Variants in NTNG1 observed in about 807,000 individuals in gnomAD.
NTNG1 encodes netrin G1.
In NTNG1, 16 loss-of-function variants were observed where a neutral mutation model predicts 54.0. The observed-to-expected ratio is 0.30, with a 90% CI of 0.20 to 0.45. NTNG1 has a LOEUF of 0.45. Among genes scored for constraint, NTNG1 ranks in the 20% least tolerant of loss-of-function variants. The probability of loss-of-function intolerance (pLI) is 1.00; values close to 1 mark genes in which losing one functional copy is unlikely to be tolerated. For synonymous variants in NTNG1, 255 were observed against 263.1 expected, an observed-to-expected ratio of 0.97 and a Z score of 0.30; for missense variants, 530 against 678.7, an observed-to-expected ratio of 0.78 and a Z score of 2.43.
In NTNG1 at chr1:107,436,836, G is replaced by T. The variant is rs189803464; in HGVS notation, c.1390+37G>T. On this transcript the variant is annotated intron_variant, in intron 7 of 7. Transcript: ENST00000370068. ...TGGGAGCTGCCCTCTGCCTGCTGCAGCATGGCTGATTTCTGCTTGGCTAGG... is the reference window on the plus strand; with the variant it reads ...TGGGAGCTGCCCTCTGCCTGCTGCATCATGGCTGATTTCTGCTTGGCTAGG... 8.9e-5 allele frequency: 143 copies of T among 1,604,980 alleles called. No homozygotes were observed. The Admixed American group carries it at 2.4e-3, about 27-fold the overall frequency.
At chr1:107,266,017 C>A (rs1388553869) in intron 2 of NTNG1, among the ~76,000 whole-genome samples, 3 of 152,162 alleles carry the variant, frequency 2.0e-5, no homozygotes, top group Non-Finnish European at 4.4e-5. Context: ...GCTTTCTTTG[C>A]ATTTTTTGGG....
chr1:107,462,410 T>A (rs1677333803), intron 7 of NTNG1, among the ~76,000 whole-genome samples: 1 of 152,228 alleles, frequency 6.6e-6, no homozygotes, highest in Admixed American at 6.5e-5. Flanking sequence ...TCTTCACCTG[T>A]CAAACTCTTA....
intron 3 of NTNG1, among the ~76,000 whole-genome samples, chr1:107,349,868 C>T (rs1170183398): frequency 1.3e-5 from 2 of 152,050 alleles, no homozygotes; most frequent in Non-Finnish European, 2.9e-5. Context: ...AACTGCTGCT[C>T]TTATAGATAT....
intron 2 of NTNG1, among the ~76,000 whole-genome samples, chr1:107,253,437 T>C (rs764645402): frequency 2.6e-5 from 4 of 152,260 alleles, no homozygotes; most frequent in Non-Finnish European, 5.9e-5. Flanking sequence ...CCTTTTATTC[T>C]AAATTCTCAG....
intron 3 of NTNG1, among the ~76,000 whole-genome samples, chr1:107,337,025 G>T (rs1202439388): frequency 6.6e-6 from 1 of 151,894 alleles, no homozygotes; most frequent in Non-Finnish European, 1.5e-5. Flanking sequence ...CTAATGAAAT[G>T]GTACAGACAC....
intron 4 of NTNG1, among the ~76,000 whole-genome samples, chr1:107,401,047 C>T (rs1419958862): frequency 3.3e-5 from 5 of 152,178 alleles, no homozygotes; most frequent in African/African-American, 1.2e-4. Flanking sequence ...CTTGTATCTC[C>T]TGGAATATGT....
chr1:107,355,483 T>C (rs925609030), intron 3 of NTNG1, among the ~76,000 whole-genome samples: 2 of 152,156 alleles, frequency 1.3e-5, no homozygotes, highest in Non-Finnish European at 2.9e-5. Context: ...CTATTTAAAG[T>C]TATAATTCAC....
At chr1:107,391,888 G>A (rs554921267) in intron 3 of NTNG1, among the ~76,000 whole-genome samples, 3 of 152,028 alleles carry the variant, frequency 2.0e-5, no homozygotes, top group Admixed American at 2.0e-4. Flanking sequence ...AGATTTGGAG[G>A]GGACAAAATA....
intron 7 of NTNG1, among the ~76,000 whole-genome samples, chr1:107,475,583 TC>T (rs1678264962): frequency 6.6e-6 from 1 of 152,202 alleles, no homozygotes; most frequent in South Asian, 2.1e-4. Flanking sequence ...AAGTACTTAG[TC>T]ACCTCTAATT....
intron 3 of NTNG1, among the ~76,000 whole-genome samples, chr1:107,385,245 A>G (rs1490036436): frequency 1.3e-5 from 2 of 152,048 alleles, no homozygotes; most frequent in African/African-American, 2.4e-5. Context: ...ACTTTGACAC[A>G]CGTTCCCTAA....
At position 107,480,751 on chromosome 1, in the gene NTNG1, G is replaced by C. The variant is rs1678647785; in HGVS notation, c.1531G>C (p.Asp511His). The change falls in exon 8 of 8, where the codon GAC becomes CAC. Residue 511 changes from aspartate (D) to histidine (H), a missense_variant. By Grantham distance (81) the Asp-to-His change is moderately conservative (BLOSUM62 -1). Coordinates refer to ENST00000370068, the MANE Select transcript of NTNG1 (RefSeq NM_001113226.3). The stretch of plus-strand genomic sequence containing the variant: ...CGAGGAGGCTGGCAGCTGCGGCTCC[G>C]ACTCTGGCCAGGGCGCGCCCCCGCA... ...RCEEAGSCGS[D>H]SGQGAPPHGS... 2 of 1,607,978 alleles carry C rather than the reference G, an allele frequency of 1.2e-6. No individual in the cohort carries two copies.
chr1:107,241,492 G>A (rs973289289), intron 2 of NTNG1, among the ~76,000 whole-genome samples: 2 of 152,120 alleles, frequency 1.3e-5, no homozygotes, highest in African/African-American at 2.4e-5. Context: ...TAGGATATTA[G>A]TAAAGAGGCC....
At chr1:107,349,282 CTGT>C (rs375599929) in intron 3 of NTNG1, among the ~76,000 whole-genome samples, 8 of 152,074 alleles carry the variant, frequency 5.3e-5, no homozygotes, top group South Asian at 2.1e-4. Flanking sequence ...TTATATTACC[CTGT>C]TGTTGTTGTT....
rs372194500 is a variant in NTNG1, at chr1:107,326,916, G to C, written c.887+1994G>C. ...TTTCTGCATTCTCCACTGATGTCAA[G>C]CATGCCATCTCCTAAAGGTGGTGTG... On this transcript the variant is annotated intron_variant, in intron 3 of 7. Coordinates refer to ENST00000370068, the MANE Select transcript of NTNG1 (RefSeq NM_001113226.3). Among the ~76,000 whole-genome samples the C allele has an allele frequency of 7.2e-5, 11 of 152,238 alleles. No homozygotes were observed. In the South Asian group the frequency reaches 1.5e-3, roughly 20 times the overall value.
At chr1:107,277,341 T>G (rs1664546329) in intron 2 of NTNG1, among the ~76,000 whole-genome samples, 1 of 152,196 alleles carries the variant, frequency 6.6e-6, no homozygotes, top group African/African-American at 2.4e-5. Context: ...ATTTTCATGG[T>G]GACCACAGTG....
At chr1:107,201,391 T>C (rs1658745037) in intron 2 of NTNG1, among the ~76,000 whole-genome samples, 1 of 151,866 alleles carries the variant, frequency 6.6e-6, no homozygotes, top group Non-Finnish European at 1.5e-5. Flanking sequence ...GCCCTTCAGT[T>C]CTCACTTGTA....
chr1:107,453,597 A>G (rs1048311357), intron 7 of NTNG1, among the ~76,000 whole-genome samples: 1 of 152,156 alleles, frequency 6.6e-6, no homozygotes, highest in African/African-American at 2.4e-5. Flanking sequence ...TCTACAATGT[A>G]CTTAAGATTT....
intron 3 of NTNG1, among the ~76,000 whole-genome samples, chr1:107,365,249 C>G (rs1364532732): frequency 2.0e-5 from 3 of 152,110 alleles, no homozygotes; most frequent in African/African-American, 7.2e-5. Flanking sequence ...TGGTCAAAAT[C>G]AACTCTGAGA....
At chr1:107,411,335 A>C (rs957896393) in intron 5 of NTNG1, among the ~76,000 whole-genome samples, 6 of 152,186 alleles carry the variant, frequency 3.9e-5, no homozygotes, top group African/African-American at 1.4e-4. Context: ...CCATTAAACA[A>C]GGGAAGTGCT....
Sources: gnomAD v4.1 joint callset for allele counts (sites outside exome capture counted in the v4.1 genomes callset) on GRCh38, gnomAD v4.1.1 for gene constraint, MANE v1.5 for transcripts, NCBI Gene and HGNC (gene_info 2026-07-23, HGNC 2026-07-21) for gene names.